MCPH1: variants seen among roughly 807,000 people sequenced by gnomAD.
MCPH1 encodes the protein microcephalin.
In MCPH1, 104 loss-of-function variants were observed where a neutral mutation model predicts 84.5. That is an observed-to-expected ratio of 1.23 (90% CI 1.05 to 1.45). MCPH1 has a LOEUF of 1.45. Ranked by LOEUF, MCPH1 falls within the 40% of genes most tolerant of loss-of-function variation. The pLI, the probability that MCPH1 is intolerant of heterozygous loss-of-function variation, is 0.00. For missense variants in MCPH1, 1,498 were observed against 1,005.7 expected, an observed-to-expected ratio of 1.49 and a Z score of -6.62; for synonymous variants, 514 against 366.8, an observed-to-expected ratio of 1.40 and a Z score of -4.58.
intron 13 of MCPH1, chr8:6,626,273 C>T (rs1254649306): frequency 2.1e-5 from 21 of 985,294 alleles, no homozygotes; most frequent in Middle Eastern, 5.2e-4. Flanking sequence ...ATGTAAGCCA[C>T]GCCTCACTCA....
chr8:6,492,346 A>T (rs878972001), intron 11 of MCPH1, among the ~76,000 whole-genome samples: 1 of 151,936 alleles, frequency 6.6e-6, no homozygotes, highest in Admixed American at 6.6e-5. Flanking sequence ...TAAATTTGTT[A>T]GAGTTCTTTG....
At chr8:6,478,169 T>C (rs1156860082) in intron 10 of MCPH1, among the ~76,000 whole-genome samples, 76 of 152,220 alleles carry the variant, frequency 5.0e-4, no homozygotes, top group Admixed American at 5.0e-3. Context: ...TTGATATCAA[T>C]CATAGGTTTT....
At chr8:6,532,858 G>C (rs1373109011) in intron 12 of MCPH1, among the ~76,000 whole-genome samples, 1 of 152,182 alleles carries the variant, frequency 6.6e-6, no homozygotes, top group Non-Finnish European at 1.5e-5. Flanking sequence ...CTGCAACTCT[G>C]ACCATGCAGT....
At chr8:6,420,643 ATC>A (rs1434433734) in intron 3 of MCPH1, among the ~76,000 whole-genome samples, 1 of 151,994 alleles carries the variant, frequency 6.6e-6, no homozygotes, top group African/African-American at 2.4e-5. Context: ...CTCAAAATCG[ATC>A]TCTCATAGAT....
intron 12 of MCPH1, among the ~76,000 whole-genome samples, chr8:6,571,075 A>G (rs1826622640): frequency 6.6e-6 from 1 of 152,112 alleles, no homozygotes. Flanking sequence ...ATTTTTAAAT[A>G]TTTTCATTCT....
chr8:6,476,580 T>C (rs3020285), intron 9 of MCPH1, among the ~76,000 whole-genome samples: 13,623 of 152,006 alleles, frequency 0.09, 1,028 homozygotes, highest in East Asian at 0.28. Flanking sequence ...AAACGAAAAA[T>C]ACTAGCAAAT....
intron 3 of MCPH1, among the ~76,000 whole-genome samples, chr8:6,428,078 C>T (rs138371011): frequency 3.7e-4 from 56 of 152,076 alleles, no homozygotes; most frequent in African/African-American, 1.2e-3. Flanking sequence ...CACCACGCCT[C>T]GCCTATACTG....
chr8:6,465,121 C>G (rs1281452501), intron 9 of MCPH1, among the ~76,000 whole-genome samples: 1 of 152,208 alleles, frequency 6.6e-6, no homozygotes, highest in African/African-American at 2.4e-5. Context: ...ACTATCTGCA[C>G]CGTTTGCGGG....
intron 12 of MCPH1, among the ~76,000 whole-genome samples, chr8:6,561,823 C>T (rs556114971): frequency 1.3e-4 from 20 of 151,166 alleles, no homozygotes; most frequent in African/African-American, 4.8e-4. Context: ...CTTTCAATAT[C>T]CTATTTTGGT....
chr8:6,572,009 G>A (rs2129576509), intron 12 of MCPH1, among the ~76,000 whole-genome samples: 1 of 152,132 alleles, frequency 6.6e-6, no homozygotes, highest in East Asian at 1.9e-4. Context: ...GCTATTTCAA[G>A]CATTTTCTTT....
chr8:6,643,088 G>A lies in MCPH1; in HGVS notation c.*39G>A, dbSNP rs767289433. On this transcript the variant is annotated 3_prime_UTR_variant, in exon 14 of 14. Transcript: ENST00000344683. ...GGCCTGTGGTGACTGCACACAGCTCGCAAAACTGTCTTTGGATGTTCAAAT... is the reference window on the plus strand; with the variant it reads ...GGCCTGTGGTGACTGCACACAGCTCACAAAACTGTCTTTGGATGTTCAAAT... The A allele has an allele frequency of 7.1e-6, 11 of 1,559,958 alleles. No homozygotes were observed. Among genetic ancestry groups the A allele is most frequent in the Admixed American group, 3.3e-5 (2 of 59,870 alleles).
At chr8:6,589,403 C>T (rs1034448089) in intron 12 of MCPH1, among the ~76,000 whole-genome samples, 1 of 152,188 alleles carries the variant, frequency 6.6e-6, no homozygotes, top group Admixed American at 6.5e-5. Flanking sequence ...GACATGAAAA[C>T]AGGATCTTTG....
At chr8:6,531,056 T>C (rs1206218986) in intron 12 of MCPH1, among the ~76,000 whole-genome samples, 2 of 152,204 alleles carry the variant, frequency 1.3e-5, no homozygotes, top group Non-Finnish European at 2.9e-5. Flanking sequence ...TTCAGAAGCA[T>C]GTAAAGAAGC....
chr8:6,450,485 C>T (rs565797866), intron 8 of MCPH1, among the ~76,000 whole-genome samples: 3 of 149,322 alleles, frequency 2.0e-5, no homozygotes, highest in African/African-American at 7.4e-5. Flanking sequence ...CCTTGGATAC[C>T]ACCTCCAGGG....
Position 6,644,659 on chromosome 8 carries a change from A to G in MCPH1, c.*1610A>G, listed in dbSNP as rs536708822. The stretch of plus-strand genomic sequence containing the variant: ...GCAAAGGATCTCTACAAGGAGAACC[A>G]TAAACGAGATGCTGAGTCCCAGCGA... On this transcript the variant is annotated 3_prime_UTR_variant, in exon 14 of 14. Coordinates refer to ENST00000344683, the MANE Select transcript of MCPH1 (RefSeq NM_024596.5). 6.6e-6 allele frequency: 1 copy of G among 152,318 alleles called. No individual in the cohort carries two copies. Among genetic ancestry groups the G allele is most frequent in the East Asian group, 1.9e-4 (1 of 5,184 alleles). The allele number at this position is 152,318 out of a possible 1,614,324, so 9.4% of individuals were successfully genotyped here. A position where few individuals can be genotyped will look rare whatever the true frequency, so the allele number is the denominator to read the frequency against.
In MCPH1 at chr8:6,461,916, G is replaced by C. The variant is rs141789022; in HGVS notation, c.1935+6664G>C. Among the ~76,000 whole-genome samples, 184 of 152,172 alleles carry C rather than the reference G, an allele frequency of 1.2e-3. 1 individual carries two copies. Among genetic ancestry groups the C allele is most frequent in the African/African-American group, 4.3e-3 (177 of 41,516 alleles). ...TATTTGGTTTATTCTACTACTTCTG[G>C]ATTTGGTTTTTCAAAATATTGATTA... On this transcript the variant is annotated intron_variant, in intron 9 of 13. Coordinates refer to ENST00000344683, the MANE Select transcript of MCPH1 (RefSeq NM_024596.5).
intron 12 of MCPH1, chr8:6,527,436 C>G (rs1818537766): frequency 7.8e-7 from 1 of 1,278,676 alleles, no homozygotes; most frequent in Non-Finnish European, 1.1e-6. Flanking sequence ...CATGAGGTTT[C>G]TGACCCTTAC....
chr8:6,477,365 G>C (rs1267325262), intron 9 of MCPH1: 5 of 518,872 alleles, frequency 9.6e-6, no homozygotes, highest in African/African-American at 7.8e-5. Flanking sequence ...TTTTGCTCTT[G>C]TACCTCATGT....
chr8:6,586,797 T>C (rs570298033), intron 12 of MCPH1, among the ~76,000 whole-genome samples: 1 of 152,322 alleles, frequency 6.6e-6, no homozygotes, highest in Admixed American at 6.5e-5. Context: ...GGTAGTTCTG[T>C]TCAGGACAGG....
Sources: gnomAD v4.1 joint callset for allele counts (sites outside exome capture counted in the v4.1 genomes callset) on GRCh38, gnomAD v4.1.1 for gene constraint, MANE v1.5 for transcripts, NCBI Gene and HGNC (gene_info 2026-07-23, HGNC 2026-07-21) for gene names.